Variants in SPATA13 observed in about 807,000 individuals in gnomAD.
SPATA13 encodes the protein spermatogenesis-associated protein 13.
SPATA13 carries 50 observed loss-of-function variants against 104.0 expected under a neutral mutation model. The observed-to-expected ratio is 0.48, with a 90% CI of 0.38 to 0.61. The LOEUF (loss-of-function observed/expected upper bound fraction) is 0.61, where lower values mean the gene tolerates loss of function less well. Ranked by LOEUF, SPATA13 falls within the 20% of genes least tolerant of loss-of-function variation. The pLI is 0.00. For synonymous variants in SPATA13, 606 were observed against 667.5 expected, an observed-to-expected ratio of 0.91 and a Z score of 1.42; for missense variants, 1,524 against 1,690.6, an observed-to-expected ratio of 0.90 and a Z score of 1.73.
chr13:23,986,401 G>A (rs367885827), intron 2 of SPATA13, among the ~76,000 whole-genome samples: 13 of 152,338 alleles, frequency 8.5e-5, no homozygotes, highest in African/African-American at 3.1e-4. Flanking sequence ...CAAATTCCCA[G>A]AGATTTACAT....
At chr13:24,298,582 A>C (rs549660237) in intron 11 of SPATA13, among the ~76,000 whole-genome samples, 61 of 152,334 alleles carry the variant, frequency 4.0e-4, no homozygotes, top group African/African-American at 1.4e-3. Context: ...AATGGAAGTC[A>C]GGGAGCCACA....
chr13:24,092,007 G>A (rs61945479), intron 3 of SPATA13, among the ~76,000 whole-genome samples: 10,233 of 152,192 alleles, frequency 0.067, 374 homozygotes, highest in African/African-American at 0.094. Context: ...CAAAATCACC[G>A]TTCTTCCTGA....
chr13:24,196,018 C>T (rs1393998289), intron 1 of SPATA13, among the ~76,000 whole-genome samples: 2 of 152,156 alleles, frequency 1.3e-5, no homozygotes, highest in Non-Finnish European at 2.9e-5. Context: ...ATGGGGAAAA[C>T]TGTAACTTGA....
intron 3 of SPATA13, among the ~76,000 whole-genome samples, chr13:24,153,406 A>T (rs1882163407): frequency 6.6e-6 from 1 of 152,194 alleles, no homozygotes; most frequent in Admixed American, 6.5e-5. Context: ...CTAAAAAGGA[A>T]CTTGTTCTTG....
intron 3 of SPATA13, among the ~76,000 whole-genome samples, chr13:24,030,604 G>A (rs2137715046): frequency 6.6e-6 from 1 of 152,208 alleles, no homozygotes; most frequent in South Asian, 2.1e-4. Flanking sequence ...CCCTAGAACT[G>A]GAAGATGCCC....
chr13:24,071,659 G>A (rs927520244), intron 3 of SPATA13, among the ~76,000 whole-genome samples: 1 of 152,160 alleles, frequency 6.6e-6, no homozygotes, highest in Non-Finnish European at 1.5e-5. Flanking sequence ...GGCACACCCT[G>A]CATTGAATCA....
chr13:24,093,379 C>A (rs1879970146), intron 3 of SPATA13, among the ~76,000 whole-genome samples: 1 of 152,176 alleles, frequency 6.6e-6, no homozygotes, highest in Non-Finnish European at 1.5e-5. Flanking sequence ...CACTCTATCA[C>A]CATTTGCCAT....
intron 1 of SPATA13, among the ~76,000 whole-genome samples, chr13:23,983,476 C>G (rs972633841): frequency 2.0e-5 from 3 of 152,228 alleles, no homozygotes; most frequent in Non-Finnish European, 4.4e-5. Flanking sequence ...AATTTTGAGC[C>G]CAGAGCAGAG....
intron 2 of SPATA13, among the ~76,000 whole-genome samples, chr13:23,985,279 C>T (rs75910905): frequency 2.9e-3 from 437 of 152,318 alleles, no homozygotes; most frequent in African/African-American, 1.0e-2. Flanking sequence ...AAATGTGTCA[C>T]GACCTTTCTT....
In SPATA13 at chr13:24,241,539, C is replaced by T. The variant is rs181525720; in HGVS notation, c.1654-7938C>T. 3.7e-4 allele frequency among the ~76,000 whole-genome samples: 57 copies of T among 152,354 alleles called. No homozygotes were observed. In the East Asian group the frequency reaches 6.6e-3, roughly 18 times the overall value. ...ATGGGTAACGGGCTTTTATAGGAGC[C>T]CCTCCCCTCACAGTGGTTGTTCCTC... On this transcript the variant is annotated intron_variant, in intron 2 of 12. Transcript: ENST00000382108.
At chr13:24,257,810 A>G (rs1437494266) in intron 4 of SPATA13, among the ~76,000 whole-genome samples, 2 of 152,214 alleles carry the variant, frequency 1.3e-5, no homozygotes, top group Non-Finnish European at 1.5e-5. Flanking sequence ...GAAACAACCA[A>G]AAATTGAGTC....
intron 1 of SPATA13, among the ~76,000 whole-genome samples, chr13:24,217,486 GAGA>G (rs1239444702): frequency 3.9e-5 from 6 of 152,192 alleles, no homozygotes; most frequent in African/African-American, 1.4e-4. Context: ...GACACATGCT[GAGA>G]ACACAGTGAA....
intron 2 of SPATA13, among the ~76,000 whole-genome samples, chr13:24,234,580 G>C (rs1350367615): frequency 6.6e-6 from 1 of 152,198 alleles, no homozygotes; most frequent in African/African-American, 2.4e-5. Flanking sequence ...TTGTTGGTGG[G>C]GGCCAGAGTA....
At chr13:24,226,302 A>G (rs765994198) in intron 2 of SPATA13, among the ~76,000 whole-genome samples, 1 of 152,182 alleles carries the variant, frequency 6.6e-6, no homozygotes, top group Non-Finnish European at 1.5e-5. Context: ...TCCCACCACC[A>G]TCACTAAGTC....
At chr13:24,039,881 C>G (rs903965443) in intron 3 of SPATA13, among the ~76,000 whole-genome samples, 5 of 152,184 alleles carry the variant, frequency 3.3e-5, no homozygotes, top group African/African-American at 1.2e-4. Flanking sequence ...AGCACCGTCC[C>G]CACCAAAGAC....
At chr13:24,126,258 G>A (rs1399024493) in intron 3 of SPATA13, among the ~76,000 whole-genome samples, 1 of 152,180 alleles carries the variant, frequency 6.6e-6, no homozygotes, top group Non-Finnish European at 1.5e-5. Context: ...TGAGTCTGGG[G>A]GAGGGGTAGC....
chr13:24,258,777 T>C (rs979734205), intron 4 of SPATA13, among the ~76,000 whole-genome samples: 6 of 152,182 alleles, frequency 3.9e-5, no homozygotes, highest in African/African-American at 1.4e-4. Context: ...ACATTTCCCC[T>C]TTTACCACAA....
At chr13:24,100,198 G>A (rs1291137596) in intron 3 of SPATA13, among the ~76,000 whole-genome samples, 2 of 151,810 alleles carry the variant, frequency 1.3e-5, no homozygotes, top group African/African-American at 2.4e-5. Flanking sequence ...CCCCTGACAA[G>A]TTAATTTCTA....
At chr13:23,990,643 A>G (rs1414285291) in intron 2 of SPATA13, among the ~76,000 whole-genome samples, 1 of 152,148 alleles carries the variant, frequency 6.6e-6, no homozygotes, top group African/African-American at 2.4e-5. Context: ...TAGCTTGCAA[A>G]TTGCCCTATG....
Sources: allele counts gnomAD v4.1 joint callset (sites outside exome capture counted in the v4.1 genomes callset), GRCh38; gene constraint gnomAD v4.1.1; transcripts MANE v1.5; gene names NCBI Gene and HGNC (gene_info 2026-07-23, HGNC 2026-07-21).